Variants in KCNH5 observed in about 807,000 individuals in gnomAD.
KCNH5 encodes voltage-gated delayed rectifier potassium channel KCNH5.
In KCNH5, 46 loss-of-function variants were observed where a neutral mutation model predicts 96.1. That is an observed-to-expected ratio of 0.48 (90% confidence interval 0.38 to 0.61). The LOEUF (loss-of-function observed/expected upper bound fraction) is 0.61. Among genes scored for constraint, KCNH5 ranks in the 20% least tolerant of loss-of-function variants. The probability of loss-of-function intolerance (pLI) is 0.00; values close to 1 mark genes in which losing one functional copy is unlikely to be tolerated. For missense variants in KCNH5, 907 were observed against 1,225.8 expected (o/e 0.74, Z 3.88); for synonymous variants, 439 against 449.8 (o/e 0.98, Z 0.30).
chr14:62,976,920 T>G (rs1594655268), intron 6 of KCNH5, among the ~76,000 whole-genome samples: 1 of 152,338 alleles, frequency 6.6e-6, no homozygotes, highest in East Asian at 1.9e-4. Flanking sequence ...TTTAGATAAT[T>G]GTCAGAGAAC....
chr14:62,817,041 T>C (rs1445338412), intron 8 of KCNH5, among the ~76,000 whole-genome samples: 1 of 145,164 alleles, frequency 6.9e-6, no homozygotes, highest in Non-Finnish European at 1.5e-5. Flanking sequence ...ACGTATTACT[T>C]TTCTGATGTC....
At chr14:62,815,184 C>A (rs1886952939) in intron 8 of KCNH5, among the ~76,000 whole-genome samples, 1 of 152,086 alleles carries the variant, frequency 6.6e-6, no homozygotes, top group South Asian at 2.1e-4. Context: ...GAGCTTGATA[C>A]AAAAGAGTAT....
chr14:62,808,967 A>T (rs1199819813), intron 8 of KCNH5, among the ~76,000 whole-genome samples: 1 of 152,114 alleles, frequency 6.6e-6, no homozygotes, highest in East Asian at 1.9e-4. Context: ...TAGAGAAAAT[A>T]ACTTTCAGAA....
intron 9 of KCNH5, among the ~76,000 whole-genome samples, chr14:62,798,519 C>G (rs184907990): frequency 6.6e-6 from 1 of 151,874 alleles, no homozygotes; most frequent in African/African-American, 2.4e-5. Context: ...GTATGCATCA[C>G]GAACTTAATT....
At chr14:62,711,901 G>C (rs767976792) in intron 10 of KCNH5, among the ~76,000 whole-genome samples, 114 of 152,186 alleles carry the variant, frequency 7.5e-4, no homozygotes, top group Non-Finnish European at 1.5e-3. Flanking sequence ...CACATAAAGA[G>C]AGCCAGCAGT....
chr14:62,935,447 A>C (rs1889660746), intron 7 of KCNH5, among the ~76,000 whole-genome samples: 1 of 152,190 alleles, frequency 6.6e-6, no homozygotes. Flanking sequence ...AGAAATAATG[A>C]AGTATAAAGT....
chr14:62,792,324 T>C (rs78675997), intron 9 of KCNH5, among the ~76,000 whole-genome samples: 1 of 151,312 alleles, frequency 6.6e-6, no homozygotes, highest in Non-Finnish European at 1.5e-5. Context: ...AGCTCGTAGA[T>C]TTTTTTTACA....
At chr14:62,963,420 C>T (rs1403211056) in intron 6 of KCNH5, among the ~76,000 whole-genome samples, 1 of 151,914 alleles carries the variant, frequency 6.6e-6, no homozygotes, top group Non-Finnish European at 1.5e-5. Flanking sequence ...GAGGAATGGG[C>T]TCAAATGATT....
At chr14:62,819,175 G>A (rs1038623675) in intron 8 of KCNH5, among the ~76,000 whole-genome samples, 1 of 152,044 alleles carries the variant, frequency 6.6e-6, no homozygotes, top group Admixed American at 6.6e-5. Context: ...ACCTTGTTTA[G>A]CCAGGATGGT....
At chr14:63,017,340 T>C (rs1028133465) in intron 1 of KCNH5, among the ~76,000 whole-genome samples, 4 of 151,962 alleles carry the variant, frequency 2.6e-5, no homozygotes, top group Admixed American at 6.6e-5. Context: ...ATTGAGAATA[T>C]TGAAGTTGAT....
intron 8 of KCNH5, among the ~76,000 whole-genome samples, chr14:62,825,461 AC>A (rs956073654): frequency 7.2e-5 from 11 of 151,878 alleles, no homozygotes; most frequent in African/African-American, 2.7e-4. Context: ...ACTACATTAA[AC>A]TAACCGACAC....
intron 7 of KCNH5, among the ~76,000 whole-genome samples, chr14:62,930,952 A>G (rs565568767): frequency 3.3e-5 from 5 of 152,246 alleles, no homozygotes; most frequent in South Asian, 2.1e-4. Flanking sequence ...CCTTGACTCA[A>G]CCTACATAAT....
intron 9 of KCNH5, among the ~76,000 whole-genome samples, chr14:62,783,761 T>A (rs1886265865): frequency 6.6e-6 from 1 of 152,052 alleles, no homozygotes. Flanking sequence ...AATATTAATG[T>A]CCAAAGAATT....
chr14:62,778,085 G>A (rs11851665), intron 10 of KCNH5, among the ~76,000 whole-genome samples: 1 of 151,984 alleles, frequency 6.6e-6, no homozygotes, highest in African/African-American at 2.4e-5. Context: ...ATGTACGGAT[G>A]TTGGATAGGA....
At chr14:63,009,133 A>G (rs937072726) in intron 2 of KCNH5, among the ~76,000 whole-genome samples, 2 of 152,114 alleles carry the variant, frequency 1.3e-5, no homozygotes, top group Non-Finnish European at 2.9e-5. Context: ...CAACAGAAAA[A>G]CAAAATAAGA....
chr14:62,761,442 T>C (rs2139956212), intron 10 of KCNH5, among the ~76,000 whole-genome samples: 1 of 151,916 alleles, frequency 6.6e-6, no homozygotes, highest in Non-Finnish European at 1.5e-5. Context: ...TTCAAATACA[T>C]GTCTGTTGAG....
chr14:62,843,086 A>T lies in KCNH5; in HGVS notation c.1569+6567T>A, dbSNP rs368358891. Among the ~76,000 whole-genome samples, 10 of 152,222 alleles carry T rather than the reference A, an allele frequency of 6.6e-5. 1 individual carries two copies. The highest frequency in any genetic ancestry group is 2.0e-4 in the Admixed American group (3 of 15,292). ...TTAAAAATGCCAAATACTTCAACTT[A>T]CCTGTCATATCTCTCCCAAGTCTTC... On this transcript the variant is annotated intron_variant, in intron 8 of 10. Transcript: ENST00000322893.
chr14:62,983,230 C>T (rs561554013), intron 5 of KCNH5, among the ~76,000 whole-genome samples: 26 of 151,870 alleles, frequency 1.7e-4, no homozygotes, highest in South Asian at 4.2e-4. Flanking sequence ...AAAAATTAGC[C>T]GGGCTTGTTG....
intron 10 of KCNH5, among the ~76,000 whole-genome samples, chr14:62,768,357 A>T (rs1566654269): frequency 1.3e-5 from 2 of 152,238 alleles, no homozygotes; most frequent in Admixed American, 1.3e-4. Context: ...TAACATTAAT[A>T]CAAACCCTTG....
Sources: allele counts gnomAD v4.1 joint callset (sites outside exome capture counted in the v4.1 genomes callset), GRCh38; gene constraint gnomAD v4.1.1; transcripts MANE v1.5; gene names NCBI Gene and HGNC (gene_info 2026-07-23, HGNC 2026-07-21).